GLIS1: variants seen among roughly 807,000 people sequenced by gnomAD.
GLIS1 encodes the protein GLIS family zinc finger 1.
GLIS1 carries 24 observed loss-of-function variants against 63.8 expected under a neutral mutation model. That is an observed-to-expected ratio of 0.38 (90% CI 0.27 to 0.53). The LOEUF is 0.53. Among genes scored for constraint, GLIS1 ranks in the 20% least tolerant of loss-of-function variants. The pLI is 0.85. For synonymous variants in GLIS1, 450 were observed against 482.5 expected, an observed-to-expected ratio of 0.93 and a Z score of 0.88; for missense variants, 1,036 against 1,074.1, an observed-to-expected ratio of 0.96 and a Z score of 0.50.
At chr1:53,698,411 A>G (rs1646489078) in intron 2 of GLIS1, among the ~76,000 whole-genome samples, 1 of 152,152 alleles carries the variant, frequency 6.6e-6, no homozygotes, top group African/African-American at 2.4e-5. Context: ...GCAGCTTTTG[A>G]CTGCAGCCTT....
chr1:53,581,599 A>C (rs1645085204), intron 4 of GLIS1, among the ~76,000 whole-genome samples: 1 of 152,186 alleles, frequency 6.6e-6, no homozygotes, highest in African/African-American at 2.4e-5. Context: ...TTCAGGTGGA[A>C]TATAGGGGCA....
At position 53,524,870 on chromosome 1, in the gene GLIS1, C is replaced by A; in HGVS notation, c.1500G>T (p.Gln500His). The change falls in exon 6 of 11, where the codon CAG becomes CAT. Residue 500 changes from glutamine (Q) to histidine (H), a missense_variant. Physicochemically the swap from Gln to His is conservative, Grantham distance 24. Coordinates refer to ENST00000628545, the MANE Select transcript of GLIS1 (RefSeq NM_001367484.1). ...TGTAGCGCTTGGAGCAGCCAGGGAT[C>A]TGACAGGCGTACGGCTTCTGTAACA... Reference protein sequence around the residue: ...THLDTKPYACQIPGCSKRYTD... With the variant: ...THLDTKPYACHIPGCSKRYTD... 1 of 1,610,948 alleles carries A rather than the reference C, an allele frequency of 6.2e-7. No homozygotes were observed. The highest frequency in any genetic ancestry group is 8.5e-7 in the Non-Finnish European group (1 of 1,177,952).
intron 2 of GLIS1, among the ~76,000 whole-genome samples, chr1:53,617,704 C>A (rs116264106): frequency 9.7e-4 from 147 of 152,316 alleles, no homozygotes; most frequent in African/African-American, 3.5e-3. Context: ...AATATAAAAC[C>A]TTATATGAAA....
At chr1:53,518,000 C>A (rs919632548) in intron 7 of GLIS1, among the ~76,000 whole-genome samples, 2 of 152,256 alleles carry the variant, frequency 1.3e-5, no homozygotes, top group African/African-American at 4.8e-5. Context: ...CCAAAACGCA[C>A]CACTTCAGGC....
At chr1:53,663,888 A>G (rs1240116552) in intron 2 of GLIS1, among the ~76,000 whole-genome samples, 1 of 152,194 alleles carries the variant, frequency 6.6e-6, no homozygotes, top group Non-Finnish European at 1.5e-5. Flanking sequence ...TCCTCAGAAA[A>G]GGCTCCTCTG....
At chr1:53,714,160 C>A (rs1342101234) in intron 2 of GLIS1, among the ~76,000 whole-genome samples, 2 of 152,198 alleles carry the variant, frequency 1.3e-5, no homozygotes, top group Non-Finnish European at 2.9e-5. Context: ...TGGGGATGAG[C>A]CTAAGAAATC....
chr1:53,543,267 T>C (rs1452960838), intron 4 of GLIS1, among the ~76,000 whole-genome samples: 1 of 152,208 alleles, frequency 6.6e-6, no homozygotes, highest in Non-Finnish European at 1.5e-5. Context: ...CATGGGGACG[T>C]GGACACGGGA....
intron 4 of GLIS1, among the ~76,000 whole-genome samples, chr1:53,565,072 T>C (rs1193317685): frequency 6.6e-6 from 1 of 151,950 alleles, no homozygotes; most frequent in Non-Finnish European, 1.5e-5. Context: ...TAAAATTAAA[T>C]TAGAAGTCAA....
intron 4 of GLIS1, among the ~76,000 whole-genome samples, chr1:53,571,062 A>G (rs1425802674): frequency 1.3e-5 from 2 of 152,238 alleles, no homozygotes; most frequent in South Asian, 2.1e-4. Flanking sequence ...CTATAAATCA[A>G]TAAGAAAAAG....
At chr1:53,698,287 G>A (rs540227689) in intron 2 of GLIS1, among the ~76,000 whole-genome samples, 1 of 152,130 alleles carries the variant, frequency 6.6e-6, no homozygotes, top group South Asian at 2.1e-4. Flanking sequence ...GACGCAGAAG[G>A]AGTTCCAGGC....
At chr1:53,712,467 CCTGAAT>C (rs1318757927) in intron 2 of GLIS1, among the ~76,000 whole-genome samples, 1 of 152,222 alleles carries the variant, frequency 6.6e-6, no homozygotes, top group Non-Finnish European at 1.5e-5. Flanking sequence ...TGCCAAGAAG[CCTGAAT>C]CTGCAGGTGA....
chr1:53,562,016 CGTCTTCCCAT>C (rs1259866502), intron 4 of GLIS1, among the ~76,000 whole-genome samples: 5 of 152,218 alleles, frequency 3.3e-5, no homozygotes, highest in Admixed American at 2.0e-4. Context: ...TCGGTTTCAA[CGTCTTCCCAT>C]GTTACCCATG....
chr1:53,701,439 C>T (rs1039714235), intron 2 of GLIS1, among the ~76,000 whole-genome samples: 2 of 152,190 alleles, frequency 1.3e-5, no homozygotes, highest in Admixed American at 1.3e-4. Flanking sequence ...TCCCAGCTGT[C>T]CAACGCCCTC....
At chr1:53,632,085 T>C (rs1025143556) in intron 2 of GLIS1, among the ~76,000 whole-genome samples, 1 of 149,512 alleles carries the variant, frequency 6.7e-6, no homozygotes, top group African/African-American at 2.5e-5. Flanking sequence ...TGAGTGTGAC[T>C]GAGGGGTGTG....
rs534052341 is a variant in GLIS1, at chr1:53,626,882, G to C, written c.260-26604C>G. ...TCCAACCAACAACCAGCCCACCATG[G>C]GGGATTCATTCATTTTCGCTGAATA... On this transcript the variant is annotated intron_variant, in intron 2 of 10. Transcript: ENST00000628545. Among the ~76,000 whole-genome samples, 144 of 152,322 alleles carry C rather than the reference G, an allele frequency of 9.5e-4. 1 individual carries two copies. Among genetic ancestry groups the C allele is most frequent in the African/African-American group, 3.2e-3 (135 of 41,578 alleles).
At chr1:53,617,864 C>G (rs1403393746) in intron 2 of GLIS1, among the ~76,000 whole-genome samples, 3 of 152,140 alleles carry the variant, frequency 2.0e-5, no homozygotes, top group African/African-American at 7.2e-5. Flanking sequence ...GTAGGGAAAG[C>G]AAGGTCTCCC....
chr1:53,716,924 A>G (rs1444616851), intron 2 of GLIS1, among the ~76,000 whole-genome samples: 1 of 152,252 alleles, frequency 6.6e-6, no homozygotes, highest in African/African-American at 2.4e-5. Context: ...AAAACCCCAC[A>G]TCAACAGAAA....
chr1:53,520,126 C>T (rs1644391172), intron 7 of GLIS1, among the ~76,000 whole-genome samples: 1 of 152,216 alleles, frequency 6.6e-6, no homozygotes, highest in African/African-American at 2.4e-5. Flanking sequence ...GTGCTCAGCA[C>T]TGGGGCAGAG....
chr1:53,567,808 G>T (rs1644948165), intron 4 of GLIS1, among the ~76,000 whole-genome samples: 1 of 152,258 alleles, frequency 6.6e-6, no homozygotes, highest in Admixed American at 6.5e-5. Context: ...TGTTGGGCCT[G>T]CAGGTGCACA....
Sources: gnomAD v4.1 joint callset for allele counts (sites outside exome capture counted in the v4.1 genomes callset) on GRCh38, gnomAD v4.1.1 for gene constraint, MANE v1.5 for transcripts, NCBI Gene and HGNC (gene_info 2026-07-23, HGNC 2026-07-21) for gene names.